KCNK10: variants seen among roughly 807,000 people sequenced by gnomAD.
The protein encoded by KCNK10 is potassium channel subfamily K member 10.
A neutral mutation model predicts 47.7 loss-of-function variants in KCNK10; 25 were observed. That is an observed-to-expected ratio of 0.52 (90% CI 0.38 to 0.73). The LOEUF (loss-of-function observed/expected upper bound fraction) is 0.73. KCNK10 is among the 30% of genes least tolerant of loss of function. The pLI is 0.00. For missense variants in KCNK10, 563 were observed against 714.5 expected (o/e 0.79, Z 2.42); for synonymous variants, 303 against 285.6 (o/e 1.06, Z -0.61).
At chr14:88,286,517 T>C (rs1037145257) in intron 1 of KCNK10, among the ~76,000 whole-genome samples, 1 of 152,160 alleles carries the variant, frequency 6.6e-6, no homozygotes, top group Non-Finnish European at 1.5e-5. Context: ...GATTCTGAAG[T>C]AACACTCTTG....
At position 88,180,921 on chromosome 14, in the gene KCNK10, G is replaced by A. The variant is rs1347786387; in HGVS notation, c.*4614C>T. On this transcript the variant is annotated 3_prime_UTR_variant, in exon 7 of 7. Coordinates refer to ENST00000319231, the MANE Select transcript of KCNK10 (RefSeq NM_138317.3). ...ACTAAAGTGATCTTTGTTTCAGAGA[G>A]TTACCCTTTTTCTTTTTAAGGCCAT... 1 of 398,448 alleles carries A rather than the reference G, an allele frequency of 2.5e-6. No individual in the cohort carries two copies. Among genetic ancestry groups the A allele is most frequent in the Admixed American group, 4.4e-5 (1 of 22,712 alleles). The allele number at this position is 398,448 out of a possible 1,614,324, so 24.7% of individuals were successfully genotyped here.
At chr14:88,207,191 G>A (rs1353906565) in intron 4 of KCNK10, among the ~76,000 whole-genome samples, 1 of 26,306 alleles carries the variant, frequency 3.8e-5, no homozygotes, top group Admixed American at 4.5e-4. Flanking sequence ...TTTTTTTTTT[G>A]AGACAGATTC....
chr14:88,229,017 C>T (rs1281333019), intron 3 of KCNK10, among the ~76,000 whole-genome samples: 1 of 152,192 alleles, frequency 6.6e-6, no homozygotes, highest in East Asian at 1.9e-4. Flanking sequence ...TGAGCCTCTA[C>T]AGTTTCACTT....
chr14:88,207,826 T>C (rs1041306154), intron 4 of KCNK10, among the ~76,000 whole-genome samples: 1 of 151,998 alleles, frequency 6.6e-6, no homozygotes, highest in Non-Finnish European at 1.5e-5. Flanking sequence ...ATGAATGTTA[T>C]TCTTGGGGTC....
intron 3 of KCNK10, among the ~76,000 whole-genome samples, chr14:88,228,884 C>CA (rs1398916322): frequency 6.6e-6 from 1 of 152,112 alleles, no homozygotes; most frequent in Non-Finnish European, 1.5e-5. Context: ...TTTAAATATG[C>CA]AAAAAAGCTC....
At chr14:88,230,720 T>C (rs1886136404) in intron 3 of KCNK10, among the ~76,000 whole-genome samples, 1 of 152,176 alleles carries the variant, frequency 6.6e-6, no homozygotes, top group Admixed American at 6.5e-5. Flanking sequence ...CTTCAATTTG[T>C]ACTGGGTGCC....
Position 88,226,058 on chromosome 14 carries a change from C to T in KCNK10, c.681+1317G>A, listed in dbSNP as rs529153331. ...TGAGTGGCTAGCCTGCCCATGAGGGCTTCTCTTGGAGAGAAACACAGAAGC... is the reference window on the plus strand; with the variant it reads ...TGAGTGGCTAGCCTGCCCATGAGGGTTTCTCTTGGAGAGAAACACAGAAGC... On this transcript the variant is annotated intron_variant, in intron 4 of 6. Coordinates refer to ENST00000319231, the MANE Select transcript of KCNK10 (RefSeq NM_138317.3). 7.9e-5 allele frequency among the ~76,000 whole-genome samples: 12 copies of T among 152,358 alleles called. No individual in the cohort carries two copies. In the East Asian group the frequency reaches 2.1e-3, roughly 27 times the overall value.
At chr14:88,237,115 A>G (rs896259057) in intron 3 of KCNK10, among the ~76,000 whole-genome samples, 13 of 152,226 alleles carry the variant, frequency 8.5e-5, no homozygotes, top group Non-Finnish European at 1.8e-4. Context: ...TTGATATAAT[A>G]TTCTGAATTC....
intron 1 of KCNK10, among the ~76,000 whole-genome samples, chr14:88,265,358 G>A (rs1345940419): frequency 6.6e-6 from 1 of 152,092 alleles, no homozygotes; most frequent in African/African-American, 2.4e-5. Flanking sequence ...GAGAAGGGAT[G>A]TGAGGACAGA....
intron 4 of KCNK10, among the ~76,000 whole-genome samples, chr14:88,197,566 T>C (rs1884954661): frequency 1.9e-5 from 1 of 51,782 alleles, no homozygotes; most frequent in African/African-American, 7.8e-5. Flanking sequence ...AGAGAGAGAC[T>C]CCGACTAAAA....
At chr14:88,204,797 T>C (rs983394900) in intron 4 of KCNK10, among the ~76,000 whole-genome samples, 3 of 152,130 alleles carry the variant, frequency 2.0e-5, no homozygotes, top group Non-Finnish European at 4.4e-5. Flanking sequence ...ATCTCCCATA[T>C]AGCCCCCGCC....
At chr14:88,313,473 C>T (rs1888368785) in intron 1 of KCNK10, among the ~76,000 whole-genome samples, 1 of 152,190 alleles carries the variant, frequency 6.6e-6, no homozygotes, top group South Asian at 2.1e-4. Context: ...CCACCTTGTT[C>T]TCTCTTGAAT....
At chr14:88,246,345 G>T (rs1283735193) in intron 2 of KCNK10, among the ~76,000 whole-genome samples, 1 of 151,266 alleles carries the variant, frequency 6.6e-6, no homozygotes, top group Admixed American at 6.6e-5. Context: ...TGTGAGAAAG[G>T]CAACTGGCAG....
intron 1 of KCNK10, among the ~76,000 whole-genome samples, chr14:88,315,936 C>T (rs1045976845): frequency 2.4e-4 from 36 of 152,040 alleles, no homozygotes; most frequent in African/African-American, 8.5e-4. Flanking sequence ...AGGAAAAGTT[C>T]CCTGTGATCA....
At chr14:88,301,500 G>T (rs563485547) in intron 1 of KCNK10, among the ~76,000 whole-genome samples, 1 of 152,104 alleles carries the variant, frequency 6.6e-6, no homozygotes, top group Non-Finnish European at 1.5e-5. Context: ...GAGGCATGAT[G>T]CAGAGACTCC....
At position 88,260,250 on chromosome 14, in the gene KCNK10, G is replaced by C. The variant is rs1356972578; in HGVS notation, c.402+2952C>G. Among the ~76,000 whole-genome samples the C allele has an allele frequency of 6.6e-6, 1 of 152,072 alleles. No individual in the cohort carries two copies. Among genetic ancestry groups the C allele is most frequent in the Admixed American group, 6.6e-5 (1 of 15,256 alleles). On this transcript the variant is annotated intron_variant, in intron 2 of 6. Transcript: ENST00000319231. The surrounding 1 kb of genome is among the most constrained non-coding windows in gnomAD (Gnocchi z 4.5). ...AAGCCACCGCGCCAGGCCAAGATAT[G>C]GTTGTTTAAAAGTGTGTAGCATCCC...
Position 88,222,269 on chromosome 14 carries a change from C to T in KCNK10, c.681+5106G>A, listed in dbSNP as rs144741852. Among the ~76,000 whole-genome samples, 28 of 152,262 alleles carry T rather than the reference C, an allele frequency of 1.8e-4. No individual in the cohort carries two copies. In the East Asian group the frequency reaches 5.4e-3, roughly 29 times the overall value. On this transcript the variant is annotated intron_variant, in intron 4 of 6. Coordinates refer to ENST00000319231, the MANE Select transcript of KCNK10 (RefSeq NM_138317.3). Reference sequence around the variant, plus strand: ...ACTACCTCCCCCTGGGTCCCTCCCACAACACATGGGAATTCTGGGAGATAT... The same window carrying T: ...ACTACCTCCCCCTGGGTCCCTCCCATAACACATGGGAATTCTGGGAGATAT...
intron 2 of KCNK10, among the ~76,000 whole-genome samples, chr14:88,253,535 A>C (rs1425505104): frequency 6.6e-6 from 1 of 152,220 alleles, no homozygotes; most frequent in Non-Finnish European, 1.5e-5. Context: ...AAAATAATAA[A>C]TCTTGCCAAA....
Position 88,183,457 on chromosome 14 carries a change from T to C in KCNK10, c.*2078A>G, listed in dbSNP as rs1266270529. 5 of 152,416 alleles carry C rather than the reference T, an allele frequency of 3.3e-5. No individual in the cohort carries two copies. In the East Asian group the frequency reaches 7.5e-4, roughly 23 times the overall value. 9.4% of individuals were successfully genotyped at this position (152,416 alleles called of 1,614,324 possible). On this transcript the variant is annotated 3_prime_UTR_variant, in exon 7 of 7. Coordinates refer to ENST00000319231, the MANE Select transcript of KCNK10 (RefSeq NM_138317.3). ...GTTTAATTAGGAAGCTTCGACTTGTTAGAATAACAGAGGAAGTCCCAGTTA... is the reference window on the plus strand; with the variant it reads ...GTTTAATTAGGAAGCTTCGACTTGTCAGAATAACAGAGGAAGTCCCAGTTA...
Sources: allele counts gnomAD v4.1 joint callset (sites outside exome capture counted in the v4.1 genomes callset), GRCh38; gene constraint gnomAD v4.1.1; non-coding constraint Gnocchi (gnomAD v3.1); transcripts MANE v1.5; gene names NCBI Gene and HGNC (gene_info 2026-07-23, HGNC 2026-07-21).